Variants in GOLM2 observed in about 807,000 individuals in gnomAD.
The protein encoded by GOLM2 is protein GOLM2.
In GOLM2, 26 loss-of-function variants were observed where a neutral mutation model predicts 55.9. The ratio of observed to expected loss-of-function variants is 0.47; its 90% CI spans 0.34 to 0.65. GOLM2 has a LOEUF of 0.65. GOLM2 is among the 30% of genes least tolerant of loss of function. The probability of loss-of-function intolerance (pLI) is 0.01; values close to 1 mark genes in which losing one functional copy is unlikely to be tolerated. For missense variants in GOLM2, 486 were observed against 531.8 expected (o/e 0.91, Z 0.85); for synonymous variants, 165 against 194.6 (o/e 0.85, Z 1.27).
chr15:44,402,105 C>T (rs1225864435), intron 8 of GOLM2, among the ~76,000 whole-genome samples: 2 of 152,110 alleles, frequency 1.3e-5, no homozygotes, highest in African/African-American at 4.8e-5. Flanking sequence ...GCTGGGATTA[C>T]AGGTGTGAGC....
At chr15:44,412,116 A>G (rs2079642395) in intron 9 of GOLM2, among the ~76,000 whole-genome samples, 1 of 152,156 alleles carries the variant, frequency 6.6e-6, no homozygotes, top group Non-Finnish European at 1.5e-5. Context: ...CAAGTGAGCC[A>G]TGATAATACC....
intron 2 of GOLM2, among the ~76,000 whole-genome samples, chr15:44,325,030 C>G (rs2078972382): frequency 6.6e-6 from 1 of 151,946 alleles, no homozygotes; most frequent in Non-Finnish European, 1.5e-5. Context: ...TTTTTTTAAC[C>G]TTTATTTAAG....
At chr15:44,379,621 T>TG in intron 6 of GOLM2, 69 bp from the exon 7 acceptor site, 1 of 589,394 alleles carries the variant, frequency 1.7e-6, no homozygotes, top group Non-Finnish European at 2.8e-6. Context: ...CACGGTGGTT[T>TG]TTTTTTTTTT....
At position 44,288,951 on chromosome 15, in the gene GOLM2, G is replaced by T; in HGVS notation, c.-79G>T. 7.3e-7 allele frequency: 1 copy of T among 1,369,148 alleles called. No homozygotes were observed. 84.8% of individuals were successfully genotyped at this position (1,369,148 alleles called of 1,614,324 possible). On this transcript the variant is annotated 5_prime_UTR_variant, in exon 1 of 10. Coordinates refer to ENST00000299957, the MANE Select transcript of GOLM2 (RefSeq NM_138423.4). ...GCCGGCCCTGGGGCCGTGTCCGCCG[G>T]GCAACTCCAGCCGAGGCCTGGGCTT...
rs550217937 is a variant in GOLM2, at chr15:44,350,513, A to G, written c.802+12196A>G. 7.9e-5 allele frequency among the ~76,000 whole-genome samples: 12 copies of G among 152,308 alleles called. No homozygotes were observed. The East Asian group carries it at 2.3e-3, about 29-fold the overall frequency. ...CCAGCAAAGAAAAGCCCGGGACCCA[A>G]TGGCTTCACTGTTGAACTCTACCAA... On this transcript the variant is annotated intron_variant, in intron 6 of 9. Transcript: ENST00000299957.
chr15:44,331,115 A>C (rs983816211), intron 3 of GOLM2, among the ~76,000 whole-genome samples: 1 of 152,086 alleles, frequency 6.6e-6, no homozygotes, highest in African/African-American at 2.4e-5. Flanking sequence ...CCTGGGTTTA[A>C]GCTATTCTCA....
Position 44,297,928 on chromosome 15 carries a change from C to T in GOLM2, c.327+8572C>T, listed in dbSNP as rs183215363. Among the ~76,000 whole-genome samples the T allele has an allele frequency of 1.7e-3, 197 of 115,964 alleles. 1 individual carries two copies. Among genetic ancestry groups the T allele is most frequent in the African/African-American group, 6.0e-3 (180 of 29,834 alleles). 76.1% of individuals were successfully genotyped at this position (115,964 alleles called of 152,430 possible). A position where few individuals can be genotyped will look rare whatever the true frequency, so the allele number is the denominator to read the frequency against. On this transcript the variant is annotated intron_variant, in intron 1 of 9. Transcript: ENST00000299957. ...TGTTGCCCAGGCTGCAGTACAGTGACGCAATCTTGGCTCATTGCAACCTCC... is the reference window on the plus strand; with the variant it reads ...TGTTGCCCAGGCTGCAGTACAGTGATGCAATCTTGGCTCATTGCAACCTCC...
chr15:44,331,119 A>G (rs909223598), intron 3 of GOLM2, among the ~76,000 whole-genome samples: 4 of 152,146 alleles, frequency 2.6e-5, no homozygotes, highest in Admixed American at 2.6e-4. Context: ...GGTTTAAGCT[A>G]TTCTCATGCC....
Position 44,392,178 on chromosome 15 carries a change from C to T in GOLM2, c.1073-10709C>T, listed in dbSNP as rs1039780858. ...GAATTCTTTCAAACATGAAAGAATA[C>T]AACCAATGTAACATAAACTTTCAGA... On this transcript the variant is annotated intron_variant, in intron 8 of 9. Coordinates refer to ENST00000299957, the MANE Select transcript of GOLM2 (RefSeq NM_138423.4). Among the ~76,000 whole-genome samples the T allele has an allele frequency of 3.3e-5, 5 of 151,524 alleles. No homozygotes were observed. In the East Asian group the frequency reaches 9.7e-4, roughly 29 times the overall value.
chr15:44,367,211 C>CTT (rs757974081), intron 6 of GOLM2, among the ~76,000 whole-genome samples: 33 of 130,510 alleles, frequency 2.5e-4, no homozygotes, highest in African/African-American at 5.6e-4. Flanking sequence ...CTGTCTGGCC[C>CTT]TTTTTTTTTT....
chr15:44,372,513 A>G (rs1357375210), intron 6 of GOLM2, among the ~76,000 whole-genome samples: 2 of 152,248 alleles, frequency 1.3e-5, no homozygotes, highest in Non-Finnish European at 1.5e-5. Context: ...ACCACCTGTC[A>G]TCTTTGTAAG....
At chr15:44,335,196 G>A (rs115579932) in intron 4 of GOLM2, among the ~76,000 whole-genome samples, 1,716 of 152,140 alleles carry the variant, frequency 0.011, 40 homozygotes, top group African/African-American at 0.04. Context: ...AATGTATCAT[G>A]GTAATTATGG....
At chr15:44,356,418 A>G (rs1197400930) in intron 6 of GOLM2, among the ~76,000 whole-genome samples, 2 of 152,208 alleles carry the variant, frequency 1.3e-5, no homozygotes, top group Non-Finnish European at 2.9e-5. Flanking sequence ...TCCCATGGAC[A>G]TTAAAAGGAA....
At chr15:44,373,314 G>A (rs571677781) in intron 6 of GOLM2, among the ~76,000 whole-genome samples, 1 of 151,926 alleles carries the variant, frequency 6.6e-6, no homozygotes, top group African/African-American at 2.4e-5. Flanking sequence ...AAAATTAGCC[G>A]GGCGCAGTGG....
intron 6 of GOLM2, among the ~76,000 whole-genome samples, chr15:44,368,186 G>A (rs1157459585): frequency 6.6e-6 from 1 of 151,780 alleles, no homozygotes; most frequent in South Asian, 2.1e-4. Flanking sequence ...CACCCAGGCT[G>A]GAGTGCAGTG....
At chr15:44,373,018 G>C (rs1804731247) in intron 6 of GOLM2, among the ~76,000 whole-genome samples, 1 of 152,040 alleles carries the variant, frequency 6.6e-6, no homozygotes, top group Admixed American at 6.6e-5. Flanking sequence ...ACATCTCCCT[G>C]TTTTAATTTA....
At chr15:44,378,406 G>A (rs1195434974) in intron 6 of GOLM2, among the ~76,000 whole-genome samples, 3 of 143,124 alleles carry the variant, frequency 2.1e-5, no homozygotes, top group East Asian at 4.1e-4. Context: ...CGCCCAGGCC[G>A]CAGTGCAGTG....
intron 6 of GOLM2, chr15:44,349,056 T>C (rs2079143596): frequency 6.6e-6 from 1 of 151,862 alleles, no homozygotes. Context: ...GGTCGGGAGT[T>C]TGAGACCAGC....
intron 6 of GOLM2, among the ~76,000 whole-genome samples, chr15:44,357,032 T>A (rs1254716680): frequency 6.6e-6 from 1 of 151,864 alleles, no homozygotes; most frequent in Non-Finnish European, 1.5e-5. Context: ...ACTAGCCAGG[T>A]GTGGTGGCAC....
Sources: allele counts gnomAD v4.1 joint callset (sites outside exome capture counted in the v4.1 genomes callset), GRCh38; gene constraint gnomAD v4.1.1; transcripts MANE v1.5; gene names NCBI Gene and HGNC (gene_info 2026-07-23, HGNC 2026-07-21).